DMD: variants seen among roughly 807,000 people sequenced by gnomAD.
DMD encodes dystrophin.
DMD carries 63 observed loss-of-function variants against 330.1 expected under a neutral mutation model. That is an observed-to-expected ratio of 0.19 (90% CI 0.16 to 0.24). The LOEUF (loss-of-function observed/expected upper bound fraction) is 0.24, where lower values mean the gene tolerates loss of function less well. DMD is among the 10% of genes least tolerant of loss of function. The pLI is 1.00. For missense variants in DMD, 3,344 were observed against 2,684.1 expected (o/e 1.25, Z -5.43); for synonymous variants, 1,223 against 959.8 (o/e 1.27, Z -5.07).
chrX:32,933,777 C>G (rs904239387), intron 2 of DMD, among the ~76,000 whole-genome samples: 1 of 111,543 alleles, frequency 9.0e-6, no homozygotes, highest in African/African-American at 3.3e-5. Flanking sequence ...GACACGTTGC[C>G]GGAAAAGCCA....
chrX:32,059,920 T>C (rs895102083), intron 44 of DMD, among the ~76,000 whole-genome samples: 1 of 111,724 alleles, frequency 9.0e-6, no homozygotes, highest in Non-Finnish European at 1.9e-5. Flanking sequence ...AAAAGTAGGA[T>C]AATAAAGATC....
intron 75 of DMD, 131 bp downstream of exon 75, chrX:31,147,144 A>G (rs754193798): frequency 1.7e-5 from 14 of 847,785 alleles, no homozygotes; most frequent in Non-Finnish European, 2.4e-5. Flanking sequence ...CTTTGATACT[A>G]TCACTTTGCA....
At chrX:32,305,494 A>G (rs1229400429) in intron 42 of DMD, among the ~76,000 whole-genome samples, 1 of 111,396 alleles carries the variant, frequency 9.0e-6, no homozygotes, top group East Asian at 2.8e-4. Flanking sequence ...GTATGACCAG[A>G]GAAATATATC....
At chrX:31,698,534 C>T (rs1261261041) in intron 52 of DMD, among the ~76,000 whole-genome samples, 1 of 111,828 alleles carries the variant, frequency 8.9e-6, no homozygotes, top group Non-Finnish European at 1.9e-5. Context: ...CAAATAATAA[C>T]ACAGATTATA....
chrX:32,103,736 C>T (rs757014129), intron 44 of DMD, among the ~76,000 whole-genome samples: 2 of 112,054 alleles, frequency 1.8e-5, no homozygotes, highest in Non-Finnish European at 3.8e-5. Context: ...CTATTATATT[C>T]GTAAACACTG....
intron 2 of DMD, among the ~76,000 whole-genome samples, chrX:32,887,960 G>A (rs984260444): frequency 4.6e-5 from 5 of 108,895 alleles, no homozygotes; most frequent in African/African-American, 1.7e-4. Flanking sequence ...TGCTCCATGA[G>A]TTGTCCCTTC....
At position 32,379,072 on chromosome X, in the gene DMD, C is replaced by T. The variant is rs1448808649; in HGVS notation, c.4845+1438G>A. 2.8e-5 allele frequency among the ~76,000 whole-genome samples: 3 copies of T among 108,074 alleles called. No homozygotes were observed. In the Admixed American group the frequency reaches 3.0e-4, roughly 11 times the overall value. 93.8% of individuals were successfully genotyped at this position (108,074 alleles called of 115,157 possible). A position where few individuals can be genotyped will look rare whatever the true frequency, so the allele number is the denominator to read the frequency against. ...AAAAAAAAGTTCTGTAATTCAGATG[C>T]AAATGAATATACTTTATTTGACAAC... On this transcript the variant is annotated intron_variant, in intron 34 of 78. Transcript: ENST00000357033.
intron 47 of DMD, among the ~76,000 whole-genome samples, chrX:31,920,806 A>T (rs975320215): frequency 8.0e-5 from 9 of 112,221 alleles, no homozygotes; most frequent in Non-Finnish European, 1.5e-4. Flanking sequence ...ACTTTTAAAT[A>T]AAATCTAGGG....
chrX:32,935,290 T>C (rs987006326), intron 2 of DMD, among the ~76,000 whole-genome samples: 46 of 112,598 alleles, frequency 4.1e-4, no homozygotes, highest in African/African-American at 1.4e-3. Flanking sequence ...CCTGACAGTT[T>C]TTAAAAATGA....
chrX:32,235,802 G>A (rs890143158), intron 43 of DMD, among the ~76,000 whole-genome samples: 6 of 110,221 alleles, frequency 5.4e-5, no homozygotes, highest in Admixed American at 9.7e-5. Context: ...TAATGAAATC[G>A]CCCTTAAATT....
chrX:32,533,968 T>C (rs753009258), intron 17 of DMD, among the ~76,000 whole-genome samples: 1 of 112,090 alleles, frequency 8.9e-6, no homozygotes, highest in Non-Finnish European at 1.9e-5. Context: ...ATCTGACGTG[T>C]ACTTAATGCC....
chrX:33,195,418 G>A (rs917744770), intron 1 of DMD, among the ~76,000 whole-genome samples: 3 of 111,309 alleles, frequency 2.7e-5, no homozygotes, highest in African/African-American at 9.8e-5. Context: ...AGGAGCAGAA[G>A]TGATTCTCCA....
intron 12 of DMD, among the ~76,000 whole-genome samples, chrX:32,601,592 T>C (rs191504008): frequency 9.0e-6 from 1 of 111,619 alleles, no homozygotes; most frequent in African/African-American, 3.2e-5. Context: ...GAAAAGGACA[T>C]AGGATGAAAT....
chrX:31,520,634 G>A (rs186850917), intron 55 of DMD, among the ~76,000 whole-genome samples: 1 of 111,513 alleles, frequency 9.0e-6, no homozygotes, highest in African/African-American at 3.3e-5. Flanking sequence ...CACTGAAGCA[G>A]GTCCAGGGTA....
chrX:31,399,270 C>T (rs995626359), intron 60 of DMD, among the ~76,000 whole-genome samples: 2 of 109,279 alleles, frequency 1.8e-5, no homozygotes, highest in Non-Finnish European at 1.9e-5. Context: ...GGTAATCTTC[C>T]CCTGGAGTCT....
At chrX:32,135,856 A>G (rs943514319) in intron 44 of DMD, among the ~76,000 whole-genome samples, 12 of 112,742 alleles carry the variant, frequency 1.1e-4, no homozygotes, top group South Asian at 3.7e-4. Flanking sequence ...TATCGTTACT[A>G]TACACATAAA....
intron 16 of DMD, among the ~76,000 whole-genome samples, chrX:32,552,623 G>A (rs1419046145): frequency 1.8e-5 from 2 of 111,896 alleles, no homozygotes; most frequent in African/African-American, 3.3e-5. Flanking sequence ...ACTATCAACA[G>A]AGTAAACAGA....
chrX:32,055,291 G>A (rs1363582780), intron 44 of DMD, among the ~76,000 whole-genome samples: 1 of 112,060 alleles, frequency 8.9e-6, no homozygotes, highest in African/African-American at 3.2e-5. Context: ...ACAGAGTAAT[G>A]TTTTAAATTA....
At chrX:31,531,250 C>A (rs1357556449) in intron 55 of DMD, among the ~76,000 whole-genome samples, 4 of 51,786 alleles carry the variant, frequency 7.7e-5, no homozygotes, top group Non-Finnish European at 6.4e-5. Context: ...GGAATCGCCA[C>A]ACTGACTTCC....
Sources: gnomAD v4.1 joint callset for allele counts (sites outside exome capture counted in the v4.1 genomes callset) on GRCh38, gnomAD v4.1.1 for gene constraint, MANE v1.5 for transcripts, NCBI Gene and HGNC (gene_info 2026-07-23, HGNC 2026-07-21) for gene names.